Variants in CWC27 observed in about 807,000 individuals in gnomAD.
CWC27 encodes spliceosome-associated protein CWC27 homolog.
CWC27 carries 47 observed loss-of-function variants against 63.6 expected under a neutral mutation model. The ratio of observed to expected loss-of-function variants is 0.74; its 90% CI spans 0.58 to 0.94. The LOEUF is 0.94. CWC27 is among the 40% of genes least tolerant of loss of function. The probability of loss-of-function intolerance (pLI) is 0.00; values close to 1 mark genes in which losing one functional copy is unlikely to be tolerated. For missense variants in CWC27, 495 were observed against 554.3 expected (o/e 0.89, Z 1.07); for synonymous variants, 175 against 179.8 (o/e 0.97, Z 0.22).
intron 13 of CWC27, among the ~76,000 whole-genome samples, chr5:64,982,761 CAAAT>C (rs757998018): frequency 1.3e-5 from 2 of 152,152 alleles, no homozygotes; most frequent in Non-Finnish European, 2.9e-5. Context: ...CAGTGGAACT[CAAAT>C]TATTGTCTCT....
intron 11 of CWC27, among the ~76,000 whole-genome samples, chr5:64,948,167 T>G (rs755650892): frequency 6.6e-5 from 10 of 152,010 alleles, no homozygotes; most frequent in Non-Finnish European, 1.0e-4. Context: ...AGAACAGGGT[T>G]TTTCAAATTG....
intron 11 of CWC27, among the ~76,000 whole-genome samples, chr5:64,912,970 G>T (rs971978881): frequency 5.9e-5 from 9 of 152,068 alleles, no homozygotes; most frequent in Non-Finnish European, 1.5e-5. Flanking sequence ...AGATATATGA[G>T]AAAATTATAG....
chr5:64,865,968 A>C (rs72756893), intron 10 of CWC27, among the ~76,000 whole-genome samples: 1,723 of 152,220 alleles, frequency 0.011, 10 homozygotes, highest in Non-Finnish European at 0.016. Context: ...TGGTTTTAAA[A>C]TGTTTAGAAC....
intron 10 of CWC27, among the ~76,000 whole-genome samples, chr5:64,882,893 G>A (rs1183633993): frequency 6.6e-6 from 1 of 152,162 alleles, no homozygotes; most frequent in Non-Finnish European, 1.5e-5. Flanking sequence ...ACCACACCCG[G>A]CTCCTTTTAG....
At chr5:65,016,452 A>G (rs968744269) in intron 13 of CWC27, among the ~76,000 whole-genome samples, 1 of 152,154 alleles carries the variant, frequency 6.6e-6, no homozygotes, top group African/African-American at 2.4e-5. Context: ...CTGGGGCAAC[A>G]TAGCAAGATC....
intron 11 of CWC27, among the ~76,000 whole-genome samples, chr5:64,928,986 TA>T (rs1748177911): frequency 6.6e-6 from 1 of 151,958 alleles, no homozygotes; most frequent in Non-Finnish European, 1.5e-5. Context: ...TGTAGTACTA[TA>T]GACATACTAA....
chr5:64,860,142 A>T (rs1488285096), intron 10 of CWC27, among the ~76,000 whole-genome samples: 1 of 152,132 alleles, frequency 6.6e-6, no homozygotes, highest in African/African-American at 2.4e-5. Flanking sequence ...CATGCATTTA[A>T]CTGCTATGCC....
At chr5:65,002,707 C>G (rs1749753049) in intron 13 of CWC27, among the ~76,000 whole-genome samples, 1 of 151,990 alleles carries the variant, frequency 6.6e-6, no homozygotes. Context: ...GTGGCTTCAA[C>G]TATGGTCTAT....
chr5:64,783,080 T>C (rs1743755704), intron 3 of CWC27, among the ~76,000 whole-genome samples: 1 of 152,196 alleles, frequency 6.6e-6, no homozygotes, highest in Non-Finnish European at 1.5e-5. Flanking sequence ...GTATACAGAG[T>C]TATGATCCAT....
intron 6 of CWC27, among the ~76,000 whole-genome samples, chr5:64,786,968 G>A (rs1484397047): frequency 7.9e-5 from 12 of 152,164 alleles, no homozygotes; most frequent in African/African-American, 2.4e-4. Flanking sequence ...AGCTTCAATC[G>A]TGGAGGAAGG....
At chr5:65,004,401 T>TTTTTG (rs1554030511) in intron 13 of CWC27, among the ~76,000 whole-genome samples, 1 of 112,350 alleles carries the variant, frequency 8.9e-6, no homozygotes, top group African/African-American at 3.6e-5. Context: ...TTTTTTTTGG[T>TTTTTG]GGGGGGGTGG....
chr5:64,974,505 A>G lies in CWC27; in HGVS notation c.1153-2630A>G, dbSNP rs147589846. Among the ~76,000 whole-genome samples the G allele has an allele frequency of 5.7e-3, 873 of 152,322 alleles. 6 individuals are homozygous for G. The highest frequency in any genetic ancestry group is 0.02 in the African/African-American group (820 of 41,578). On this transcript the variant is annotated intron_variant, in intron 12 of 13. Transcript: ENST00000381070. ...GTGAGACTTATTCGCTATCACGAGA[A>G]TAGCATGGTAAAGACCAGCCCCCAT... is the stretch of plus-strand genomic sequence containing the variant.
intron 11 of CWC27, among the ~76,000 whole-genome samples, chr5:64,939,915 G>T (rs567907776): frequency 2.2e-4 from 34 of 152,318 alleles, no homozygotes; most frequent in African/African-American, 7.5e-4. Context: ...TGTTTACACT[G>T]TGAGGGGAAA....
intron 11 of CWC27, among the ~76,000 whole-genome samples, chr5:64,956,848 C>T (rs745501184): frequency 6.6e-6 from 1 of 152,046 alleles, no homozygotes; most frequent in African/African-American, 2.4e-5. Context: ...CCTCTGTTTC[C>T]TCATGCATGA....
At chr5:64,850,224 C>CAAAAAAAAAAA (rs1561434318) in intron 10 of CWC27, among the ~76,000 whole-genome samples, 2 of 69,426 alleles carry the variant, frequency 2.9e-5, no homozygotes, top group African/African-American at 6.8e-5. Context: ...TTGGTACTGG[C>CAAAAAAAAAAA]CAAAAAAAAA....
At chr5:65,004,960 C>A (rs1482425540) in intron 13 of CWC27, among the ~76,000 whole-genome samples, 1 of 139,216 alleles carries the variant, frequency 7.2e-6, no homozygotes, top group Non-Finnish European at 1.5e-5. Context: ...GGTGCTTCAG[C>A]TTTGCTTCTG....
chr5:64,839,025 T>C (rs1745736264), intron 10 of CWC27, among the ~76,000 whole-genome samples: 1 of 152,228 alleles, frequency 6.6e-6, no homozygotes, highest in Admixed American at 6.5e-5. Flanking sequence ...AAAGAATATC[T>C]TTCAAAAAAC....
intron 1 of CWC27, among the ~76,000 whole-genome samples, chr5:64,771,474 G>A (rs978479700): frequency 1.3e-5 from 2 of 152,094 alleles, no homozygotes; most frequent in African/African-American, 4.8e-5. Flanking sequence ...TGAAGATGAG[G>A]CAAAGAAATG....
At chr5:64,930,348 T>C (rs1748213638) in intron 11 of CWC27, among the ~76,000 whole-genome samples, 1 of 152,106 alleles carries the variant, frequency 6.6e-6, no homozygotes, top group South Asian at 2.1e-4. Context: ...TAAAAATCAT[T>C]GAATTACACC....
Sources: gnomAD v4.1 joint callset for allele counts (sites outside exome capture counted in the v4.1 genomes callset) on GRCh38, gnomAD v4.1.1 for gene constraint, MANE v1.5 for transcripts, NCBI Gene and HGNC (gene_info 2026-07-23, HGNC 2026-07-21) for gene names.